The following ZNF418 variants were observed in gnomAD, a reference collection of about 807,000 sequenced individuals.
ZNF418 encodes zinc finger protein 418.
A neutral mutation model predicts 32.0 loss-of-function variants in ZNF418; 32 were observed. The ratio of observed to expected loss-of-function variants is 1.00; its 90% confidence interval spans 0.75 to 1.34. The LOEUF is 1.34. Ranked by LOEUF, ZNF418 falls within the 40% of genes most tolerant of loss-of-function variation. ZNF418 has a pLI of 0.00. For synonymous variants in ZNF418, 276 were observed against 270.7 expected (o/e 1.02, Z -0.19); for missense variants, 804 against 812.5 (o/e 0.99, Z 0.13).
chr19:57,931,044 G>C (rs903649982), intron 2 of ZNF418, among the ~76,000 whole-genome samples: 2 of 152,072 alleles, frequency 1.3e-5, no homozygotes, highest in Admixed American at 6.5e-5. Flanking sequence ...CAAAGTGTTG[G>C]GATTATAGGC....
rs113587027 is a variant in ZNF418 at position 57,926,191 on chromosome 19, G to A, written c.1990C>T (p.Arg664Ter). Residue 664 changes from arginine to a stop codon, truncating the protein, a stop_gained, in exon 4 of 6, where the codon CGA (arginine) becomes TGA (stop). Coordinates refer to ENST00000396147, the MANE Select transcript of ZNF418 (RefSeq NM_133460.3). LOFTEE classifies it low-confidence loss of function (END_TRUNC). ...CTTTCTGTGTGAACTCTCTGATGTC[G>A]AAGGAGAGAAGAGCTTCGATGAAAT... ...KSFHRSSSLL[R>*]HQRVHTERSP... 575 of 1,613,728 alleles carry A rather than the reference G, an allele frequency of 3.6e-4. 2 individuals are homozygous for A. The African/African-American group carries it at 6.4e-3, about 18-fold the overall frequency.
chr19:57,927,091 G>A lies in ZNF418; in HGVS notation c.1090C>T (p.His364Tyr). The change falls in exon 4 of 6, where the codon CAC (histidine) becomes TAC (tyrosine). Residue 364 changes from histidine to tyrosine, a missense_variant. Physicochemically the swap from His to Tyr is moderately conservative, Grantham distance 83. This residue lies in a region of ZNF418 where 475 missense variants were observed against 458.6 expected (regional missense o/e 1.04). Transcript: ENST00000396147. ...KGNLIQHQRG[H>Y]TSERPYECEE... is the part of the protein sequence containing the mutation. ...CACTCATAAGGTCTTTCACTAGTGT[G>A]ACCTCGTTGATGTTGAATGAGATTG... The A allele has an allele frequency of 6.2e-7, 1 of 1,614,046 alleles. No homozygotes were observed. Among genetic ancestry groups the A allele is most frequent in the Non-Finnish European group, 8.5e-7 (1 of 1,180,022 alleles).
In ZNF418 at chr19:57,930,526, A is replaced by G; in HGVS notation, c.35T>C (p.Val12Ala). ...ACTCCACTCCTCCTGGGAAAAGTTC[A>G]CAGCCACATCTTCAAATGCCACAGT... The part of the protein sequence containing the change: ...QGTVAFEDVA[V>A]NFSQEEWSLL... The change falls in exon 3 of 6, where the codon GTG becomes GCG. Residue 12 changes from valine (V) to alanine (A), a missense_variant. Val to Ala is a moderately conservative substitution (Grantham distance 64, BLOSUM62 0). Coordinates refer to ENST00000396147, the MANE Select transcript of ZNF418 (RefSeq NM_133460.3). The G allele has an allele frequency of 6.2e-7, 1 of 1,614,118 alleles. No individual in the cohort carries two copies. Among genetic ancestry groups the G allele is most frequent in the Non-Finnish European group, 8.5e-7 (1 of 1,180,012 alleles).
Position 57,925,895 on chromosome 19 carries a change from A to G in ZNF418, c.*255T>C. On this transcript the variant is annotated 3_prime_UTR_variant, in exon 4 of 6. Coordinates refer to ENST00000396147, the MANE Select transcript of ZNF418 (RefSeq NM_133460.3). ...CCAGTGTTATGTTTTACAAGAAATA[A>G]TATTTCCTGTACGTGTACAGTGTTT... 1 of 450,480 alleles carries G rather than the reference A, an allele frequency of 2.2e-6. No individual in the cohort carries two copies. The highest frequency in any genetic ancestry group is 3.9e-6 in the Non-Finnish European group (1 of 255,372). 27.9% of individuals were successfully genotyped at this position (450,480 alleles called of 1,614,324 possible).
In ZNF418 at chr19:57,927,636, G is replaced by C. The variant is rs201498922; in HGVS notation, c.545C>G (p.Thr182Ser). The C allele has an allele frequency of 1.2e-4, 194 of 1,613,920 alleles. 1 individual carries two copies. The highest frequency in any genetic ancestry group is 1.3e-4 in the Non-Finnish European group (148 of 1,179,926). ...AGGTTTGCTGTTTGACTTCTCCCCA[G>C]TGTGAGTGGCCTCCTGCAGCAGTAA... ...SGLLLQEATH[T>S]GEKSNSKPEC... Residue 182 changes from threonine (T) to serine (S), a missense_variant, in exon 4 of 6, where the codon ACT (threonine) becomes AGT (serine). Physicochemically the swap from Thr to Ser is moderately conservative, Grantham distance 58. Coordinates refer to ENST00000396147, the MANE Select transcript of ZNF418 (RefSeq NM_133460.3).
At chr19:57,924,839 T>C (rs553846353) in intron 4 of ZNF418, among the ~76,000 whole-genome samples, 29 of 152,274 alleles carry the variant, frequency 1.9e-4, no homozygotes, top group African/African-American at 7.0e-4. Context: ...AACCCAGAAA[T>C]TATTGGAGTA....
intron 3 of ZNF418, among the ~76,000 whole-genome samples, chr19:57,929,614 T>C (rs73569641): frequency 0.14 from 20,907 of 152,192 alleles, 1,523 homozygotes; most frequent in Non-Finnish European, 0.15. Context: ...TATGTGCTGG[T>C]AGTTTTCAGC....
rs966783983 is a variant in ZNF418, at chr19:57,922,595, G to C, written c.*660C>G. 1.8e-5 allele frequency: 7 copies of C among 398,432 alleles called. No individual in the cohort carries two copies. Among genetic ancestry groups the C allele is most frequent in the African/African-American group, 1.2e-4 (6 of 48,614 alleles). 24.7% of individuals were successfully genotyped at this position (398,432 alleles called of 1,614,324 possible). ...GCATACAGTTTACCAAATATGAAAA[G>C]GTGAGGTGGGCAAAGGGAAATGCCC... On this transcript the variant is annotated 3_prime_UTR_variant, in exon 6 of 6. Transcript: ENST00000396147.
chr19:57,933,247 T>C (rs1034238450), intron 2 of ZNF418, among the ~76,000 whole-genome samples: 1 of 152,220 alleles, frequency 6.6e-6, no homozygotes, highest in Admixed American at 6.5e-5. Context: ...CTGGTGGTCA[T>C]ACCTGATTCC....
chr19:57,922,426 A>T lies in ZNF418; in HGVS notation c.*829T>A, dbSNP rs2072028910. ...CCTATTGCTGTGTAATTCACAAGAA[A>T]TTCTCCAAGAGGGAGTTACCAATTC... On this transcript the variant is annotated 3_prime_UTR_variant, in exon 6 of 6. Transcript: ENST00000396147. The T allele has an allele frequency of 7.6e-6, 3 of 396,154 alleles. No individual in the cohort carries two copies. Among genetic ancestry groups the T allele is most frequent in the African/African-American group, 6.2e-5 (3 of 48,616 alleles). 24.5% of individuals were successfully genotyped at this position (396,154 alleles called of 1,614,324 possible).
chr19:57,925,014 G>A (rs1254491712), intron 4 of ZNF418, among the ~76,000 whole-genome samples: 1 of 152,130 alleles, frequency 6.6e-6, no homozygotes. Context: ...GCCCCTTTAT[G>A]ACACCAGAAC....
At chr19:57,930,959 TAG>T in intron 2 of ZNF418, among the ~76,000 whole-genome samples, 1 of 151,866 alleles carries the variant, frequency 6.6e-6, no homozygotes. Context: ...GTATTTTTAG[TAG>T]AGACAGGGTT....
At chr19:57,934,884 G>A (rs2072632554) in intron 1 of ZNF418, 1 of 520,558 alleles carries the variant, frequency 1.9e-6, no homozygotes, top group Non-Finnish European at 3.0e-6. Context: ...TCTTCCAGGA[G>A]AAGCTTCGCC....
intron 2 of ZNF418, among the ~76,000 whole-genome samples, chr19:57,931,235 C>T (rs1386415712): frequency 6.6e-6 from 1 of 152,024 alleles, no homozygotes; most frequent in Non-Finnish European, 1.5e-5. Flanking sequence ...GAGTTTCGCT[C>T]TTGTTGCCCA....
chr19:57,927,200 A>G lies in ZNF418; in HGVS notation c.981T>C (p.Gly327=), dbSNP rs879122625. 1.2e-6 allele frequency: 2 copies of G among 1,609,496 alleles called. No homozygotes were observed. Among genetic ancestry groups the G allele is most frequent in the African/African-American group, 2.7e-5 (2 of 73,460 alleles). ...GECGKSFSQN[G]TLIKHQRVHT... is the part of the protein sequence containing the mutation. The stretch of plus-strand genomic sequence containing the variant: ...GAACTCGTTGATGTTTAATGAGAGT[A>G]CCATTTTGACTAAAAGATTTCCCAC... Residue 327 remains glycine (G), a synonymous_variant, in exon 4 of 6, where the codon GGT becomes GGC. Coordinates refer to ENST00000396147, the MANE Select transcript of ZNF418 (RefSeq NM_133460.3).
rs900286542 is a variant in ZNF418, at chr19:57,935,256, C to T, written c.-176G>A. The T allele has an allele frequency of 4.2e-6, 5 of 1,190,198 alleles. No homozygotes were observed. Among genetic ancestry groups the T allele is most frequent in the Non-Finnish European group, 5.3e-6 (5 of 945,240 alleles). The allele number at this position is 1,190,198 out of a possible 1,614,324, so 73.7% of individuals were successfully genotyped here. A position where few individuals can be genotyped will look rare whatever the true frequency, so the allele number is the denominator to read the frequency against. Reference sequence around the variant, plus strand: ...GCGCCGTTACGGGGCCTAAGATCTGCCTCTGTGCAGCAAGAAGGACTCTTC... The same window carrying T: ...GCGCCGTTACGGGGCCTAAGATCTGTCTCTGTGCAGCAAGAAGGACTCTTC... On this transcript the variant is annotated 5_prime_UTR_variant, in exon 1 of 6. Transcript: ENST00000396147.
rs578233411 is a variant in ZNF418, at chr19:57,927,542, G to A, written c.639C>T (p.Ser213=). Residue 213 remains serine, a synonymous_variant, in exon 4 of 6, where the codon AGC becomes AGT. Transcript: ENST00000396147. ...GCTGTTGAACAAATACGTGTTTGGTGCTAGAATGTTTCATGCATTCTCCAC... is the reference window on the plus strand; with the variant it reads ...GCTGTTGAACAAATACGTGTTTGGTACTAGAATGTTTCATGCATTCTCCAC... The part of the protein sequence containing the change: ...YSCGECMKHS[S]TKHVFVQQQR... The A allele has an allele frequency of 3.1e-6, 5 of 1,614,192 alleles. No individual in the cohort carries two copies. In the South Asian group the frequency reaches 4.4e-5, roughly 14 times the overall value.
chr19:57,933,717 G>A (rs748598687), intron 2 of ZNF418, 100 bp downstream of exon 2: 344 of 1,479,698 alleles, frequency 2.3e-4, no homozygotes, highest in Non-Finnish European at 3.1e-4. Context: ...CGAGACTCCC[G>A]CTCAAAAAAA....
Position 57,927,414 on chromosome 19 carries a change from C to T in ZNF418, c.767G>A (p.Arg256Lys). The part of the protein sequence containing the change: ...SNHQRVHTGK[R>K]PYECGECGKS... The stretch of plus-strand genomic sequence containing the variant: ...CCCACATTCTCCACATTCATAAGGT[C>T]TTTTCCCAGTGTGAACTCTCTGATG... The change falls in exon 4 of 6, where the codon AGA becomes AAA. Residue 256 changes from arginine to lysine, a missense_variant. Arg to Lys is a conservative substitution (Grantham distance 26, BLOSUM62 2). Coordinates refer to ENST00000396147, the MANE Select transcript of ZNF418 (RefSeq NM_133460.3). 1 of 1,614,154 alleles carries T rather than the reference C, an allele frequency of 6.2e-7. No homozygotes were observed. Among genetic ancestry groups the T allele is most frequent in the Admixed American group, 1.7e-5 (1 of 60,018 alleles).
Sources: gnomAD v4.1 joint callset for allele counts (sites outside exome capture counted in the v4.1 genomes callset) on GRCh38, gnomAD v4.1.1 for gene constraint, gnomAD v4.1.1 regional missense constraint, MANE v1.5 for transcripts, NCBI Gene and HGNC (gene_info 2026-07-23, HGNC 2026-07-21) for gene names.